Variants in FANCM observed in about 807,000 individuals in gnomAD.
FANCM encodes FA complementation group M.
In FANCM, 140 loss-of-function variants were observed where a neutral mutation model predicts 199.5. That is an observed-to-expected ratio of 0.70 (90% confidence interval 0.61 to 0.81). The LOEUF is 0.81. Ranked by LOEUF, FANCM falls within the 30% of genes least tolerant of loss-of-function variation. The probability of loss-of-function intolerance (pLI) is 0.00; values close to 1 mark genes in which losing one functional copy is unlikely to be tolerated. For missense variants in FANCM, 2,410 were observed against 2,421.4 expected, an observed-to-expected ratio of 1.00 and a Z score of 0.10; for synonymous variants, 840 against 836.8, an observed-to-expected ratio of 1.00 and a Z score of -0.07.
chr14:45,177,126 G>T, intron 14 of FANCM, 150 bp downstream of exon 14: 4 of 604,746 alleles, frequency 6.6e-6, no homozygotes, highest in Non-Finnish European at 1.2e-5. Context: ...TTCTTAAGAT[G>T]ATCTTACTAA....
intron 14 of FANCM, among the ~76,000 whole-genome samples, chr14:45,177,200 A>G (rs1888767454): frequency 6.7e-6 from 1 of 150,278 alleles, no homozygotes; most frequent in Admixed American, 6.6e-5. Context: ...CTTGCTAGAC[A>G]TTATGAAATA....
Position 45,196,254 on chromosome 14 carries a change from C to A in FANCM, c.5423C>A (p.Ser1808Tyr), listed in dbSNP as rs745769239. ...CCACATTTAGCTGGGACACATACTT[C>A]TCTTAGACTTCCGCAGGAAGGAAAA... The part of the protein sequence containing the change: ...SRPHLAGTHT[S>Y]LRLPQEGKGT... Residue 1808 changes from serine to tyrosine, a missense_variant, in exon 21 of 23, where the codon TCT (serine) becomes TAT (tyrosine). By Grantham distance (144) the Ser-to-Tyr change is moderately radical (BLOSUM62 -2). Coordinates refer to ENST00000267430, the MANE Select transcript of FANCM (RefSeq NM_020937.4). 1.2e-6 allele frequency: 2 copies of A among 1,614,066 alleles called. No individual in the cohort carries two copies. The highest frequency in any genetic ancestry group is 1.3e-5 in the African/African-American group (1 of 75,046).
chr14:45,156,528 T>C (rs1390706554), intron 8 of FANCM, among the ~76,000 whole-genome samples: 1 of 152,058 alleles, frequency 6.6e-6, no homozygotes, highest in East Asian at 1.9e-4. Flanking sequence ...ATCAAGGCAA[T>C]AGTGGTCAAG....
At chr14:45,197,799 T>C (rs1890148799) in intron 21 of FANCM, among the ~76,000 whole-genome samples, 1 of 149,992 alleles carries the variant, frequency 6.7e-6, no homozygotes, top group South Asian at 2.1e-4. Flanking sequence ...AGTCTTGCTC[T>C]GTCGCCCAGG....
At chr14:45,185,154 C>T in intron 17 of FANCM, 63 bp from the exon 18 acceptor site, 1 of 1,113,978 alleles carries the variant, frequency 9.0e-7, no homozygotes. Context: ...GAATTATTTC[C>T]AATCATGAAA....
chr14:45,160,552 TTC>T (rs1374410711), intron 9 of FANCM, among the ~76,000 whole-genome samples: 2 of 150,648 alleles, frequency 1.3e-5, no homozygotes, highest in Admixed American at 1.3e-4. Context: ...CTTTTTTTTT[TTC>T]TTTTTTTTGA....
intron 20 of FANCM, among the ~76,000 whole-genome samples, chr14:45,194,928 T>C (rs1310236445): frequency 1.3e-5 from 2 of 152,042 alleles, no homozygotes; most frequent in East Asian, 3.9e-4. Flanking sequence ...GTTGTATTTT[T>C]AGTAGAGACA....
chr14:45,170,649 G>C lies in FANCM; in HGVS notation c.2063G>C (p.Trp688Ser), dbSNP rs2139226471. ...WFLSEEEFKL[W>S]NRLYRLRDSD... ...TTATCAGAAGAAGAATTTAAATTAT[G>C]GAACAGACTTTATAGATTAAGGGAC... The change falls in exon 12 of 23, where the codon TGG (tryptophan) becomes TCG (serine). Residue 688 changes from tryptophan (W) to serine (S), a missense_variant. By Grantham distance (177) the Trp-to-Ser change is radical (BLOSUM62 -3). Coordinates refer to ENST00000267430, the MANE Select transcript of FANCM (RefSeq NM_020937.4). 1.2e-6 allele frequency: 2 copies of C among 1,603,142 alleles called. No homozygotes were observed. Among genetic ancestry groups the C allele is most frequent in the Non-Finnish European group, 1.7e-6 (2 of 1,170,358 alleles).
Position 45,198,976 on chromosome 14 carries a change from G to C in FANCM, c.6008+41G>C, listed in dbSNP as rs376516317. On this transcript the variant is annotated intron_variant, in intron 22 of 22. Coordinates refer to ENST00000267430, the MANE Select transcript of FANCM (RefSeq NM_020937.4). Reference sequence around the variant, plus strand: ...TATTTTTAAATGATTACTTTTAAAAGATTCGTAAAAGCATTCCATAGAAGT... The same window carrying C: ...TATTTTTAAATGATTACTTTTAAAACATTCGTAAAAGCATTCCATAGAAGT... The C allele has an allele frequency of 2.4e-5, 36 of 1,476,886 alleles. No homozygotes were observed. The African/African-American group carries it at 5.0e-4, about 21-fold the overall frequency. The allele number at this position is 1,476,886 out of a possible 1,614,324, so 91.5% of individuals were successfully genotyped here.
At chr14:45,194,314 A>C (rs1270737390) in intron 20 of FANCM, among the ~76,000 whole-genome samples, 3 of 151,572 alleles carry the variant, frequency 2.0e-5, no homozygotes, top group Non-Finnish European at 4.4e-5. Context: ...AAAAAAAAAA[A>C]ACAAAAAAAA....
chr14:45,176,652 G>A lies in FANCM; in HGVS notation c.3898G>A (p.Glu1300Lys), dbSNP rs751795256. The change falls in exon 14 of 23, where the codon GAA becomes AAA. Residue 1300 changes from glutamate to lysine, a missense_variant. Transcript: ENST00000267430. ...TSGTVIIPSNEDMQNPNYVHL... is the reference protein window; with the variant it reads ...TSGTVIIPSNKDMQNPNYVHL... ...TGGAACTGTTATTATCCCATCAAAT[G>A]AAGATATGCAGAATCCAAATTATGT... 24 of 1,613,604 alleles carry A rather than the reference G, an allele frequency of 1.5e-5. No individual in the cohort carries two copies. The highest frequency in any genetic ancestry group is 1.9e-5 in the Non-Finnish European group (22 of 1,179,822).
intron 18 of FANCM, among the ~76,000 whole-genome samples, chr14:45,185,657 G>C (rs1049965610): frequency 3.9e-5 from 6 of 152,040 alleles, no homozygotes; most frequent in African/African-American, 9.7e-5. Flanking sequence ...TACATGCCTA[G>C]TACTATGTAA....
At chr14:45,190,958 C>G (rs988449277) in intron 20 of FANCM, among the ~76,000 whole-genome samples, 7 of 152,156 alleles carry the variant, frequency 4.6e-5, no homozygotes, top group African/African-American at 1.7e-4. Context: ...GACTTGAACT[C>G]CTGGGCTCAT....
chr14:45,150,540 G>T (rs1347407588), intron 4 of FANCM, among the ~76,000 whole-genome samples: 3 of 152,116 alleles, frequency 2.0e-5, no homozygotes, highest in Non-Finnish European at 2.9e-5. Flanking sequence ...GTCTCCTTTT[G>T]TGCCATTAAG....
chr14:45,158,873 T>C (rs1362506194), intron 8 of FANCM, among the ~76,000 whole-genome samples: 1 of 152,192 alleles, frequency 6.6e-6, no homozygotes, highest in African/African-American at 2.4e-5. Context: ...TGCTATGTTA[T>C]GTTGCCCAGG....
intron 13 of FANCM, among the ~76,000 whole-genome samples, chr14:45,174,162 A>G (rs1411950783): frequency 1.3e-5 from 2 of 152,128 alleles, no homozygotes; most frequent in Non-Finnish European, 2.9e-5. Flanking sequence ...CGAAGCAGGC[A>G]GATCACTTGA....
In FANCM at chr14:45,196,230, C is replaced by A. The variant is rs1449697144; in HGVS notation, c.5399C>A (p.Pro1800Gln). The change falls in exon 21 of 23, where the codon CCA becomes CAA. Residue 1800 changes from proline (P) to glutamine (Q), a missense_variant. Coordinates refer to ENST00000267430, the MANE Select transcript of FANCM (RefSeq NM_020937.4). ...TSGASCSKSRPHLAGTHTSLR... is the reference protein window; with the variant it reads ...TSGASCSKSRQHLAGTHTSLR... ...GGGGCATCCTGTTCCAAGTCAAGAC[C>A]ACATTTAGCTGGGACACATACTTCT... is the stretch of plus-strand genomic sequence containing the variant. 8 of 1,613,822 alleles carry A rather than the reference C, an allele frequency of 5.0e-6. No homozygotes were observed. Among genetic ancestry groups the A allele is most frequent in the African/African-American group, 1.3e-5 (1 of 74,880 alleles).
At chr14:45,170,874 A>C (rs555944654) in intron 12 of FANCM, 128 bp downstream of exon 12, 4 of 800,282 alleles carry the variant, frequency 5.0e-6, no homozygotes, top group Middle Eastern at 2.3e-4. Flanking sequence ...TTGGAATGTC[A>C]ACTTACTTTA....
At position 45,154,084 on chromosome 14, in the gene FANCM, T is replaced by C. The variant is rs200621018; in HGVS notation, c.1183+32T>C. On this transcript the variant is annotated intron_variant, in intron 6 of 22. Coordinates refer to ENST00000267430, the MANE Select transcript of FANCM (RefSeq NM_020937.4). ...TATATCAAATTATTTAAAGAAATAATGACATGTATTATTTTGGCTAAAGAC... is the reference window on the plus strand; with the variant it reads ...TATATCAAATTATTTAAAGAAATAACGACATGTATTATTTTGGCTAAAGAC... The C allele has an allele frequency of 6.1e-4, 901 of 1,469,504 alleles. 9 individuals carry two copies. In the African/African-American group the frequency reaches 0.012, roughly 19 times the overall value. 91.0% of individuals were successfully genotyped at this position (1,469,504 alleles called of 1,614,324 possible). A position where few individuals can be genotyped will look rare whatever the true frequency, so the allele number is the denominator to read the frequency against.
Sources: gnomAD v4.1 joint callset for allele counts (sites outside exome capture counted in the v4.1 genomes callset) on GRCh38, gnomAD v4.1.1 for gene constraint, MANE v1.5 for transcripts, NCBI Gene and HGNC (gene_info 2026-07-23, HGNC 2026-07-21) for gene names.